The following IGF2BP2 variants were observed in gnomAD, a reference collection of about 807,000 sequenced individuals.
IGF2BP2 encodes insulin like growth factor 2 mRNA binding protein 2, also known as insulin-like growth factor 2 mRNA-binding protein 2.
A neutral mutation model predicts 75.8 loss-of-function variants in IGF2BP2; 17 were observed. The observed-to-expected ratio is 0.22, with a 90% CI of 0.15 to 0.34. The LOEUF (loss-of-function observed/expected upper bound fraction) is 0.34. Among genes scored for constraint, IGF2BP2 ranks in the 10% least tolerant of loss-of-function variants. The pLI is 1.00. For synonymous variants in IGF2BP2, 288 were observed against 295.6 expected, an observed-to-expected ratio of 0.97 and a Z score of 0.26; for missense variants, 516 against 772.4, an observed-to-expected ratio of 0.67 and a Z score of 3.93.
chr3:185,809,494 G>A (rs577669778), intron 2 of IGF2BP2, among the ~76,000 whole-genome samples: 5 of 152,314 alleles, frequency 3.3e-5, no homozygotes, highest in East Asian at 1.9e-4. Context: ...GCTGGGTACA[G>A]TGGCTCATGC....
At chr3:185,743,433 G>C (rs1026386445) in intron 2 of IGF2BP2, among the ~76,000 whole-genome samples, 1 of 151,984 alleles carries the variant, frequency 6.6e-6, no homozygotes, top group African/African-American at 2.4e-5. Context: ...GTGTCACCAC[G>C]CCTGGCTAAT....
intron 14 of IGF2BP2, among the ~76,000 whole-genome samples, chr3:185,648,507 A>G (rs1264301105): frequency 6.6e-6 from 1 of 151,072 alleles, no homozygotes; most frequent in Non-Finnish European, 1.5e-5. Flanking sequence ...CAAATAACAC[A>G]CATATACATA....
At chr3:185,781,336 G>C (rs560567828) in intron 2 of IGF2BP2, among the ~76,000 whole-genome samples, 33 of 152,296 alleles carry the variant, frequency 2.2e-4, no homozygotes, top group African/African-American at 7.2e-4. Flanking sequence ...AATGTCAACA[G>C]TGTTTGAGGA....
At chr3:185,685,717 T>C (rs530340837) in intron 7 of IGF2BP2, among the ~76,000 whole-genome samples, 1 of 152,192 alleles carries the variant, frequency 6.6e-6, no homozygotes, top group Admixed American at 6.5e-5. Context: ...GATGCAATCA[T>C]AGCTCATTGC....
At chr3:185,785,479 A>T (rs1242778135) in intron 2 of IGF2BP2, among the ~76,000 whole-genome samples, 1 of 151,998 alleles carries the variant, frequency 6.6e-6, no homozygotes, top group Non-Finnish European at 1.5e-5. Flanking sequence ...TATATCAGGG[A>T]GACTTAAGCA....
chr3:185,789,209 G>A (rs1736295056), intron 2 of IGF2BP2, among the ~76,000 whole-genome samples: 1 of 152,170 alleles, frequency 6.6e-6, no homozygotes, highest in Admixed American at 6.5e-5. Context: ...TGTTTGAGCT[G>A]AGTTCCATAT....
intron 2 of IGF2BP2, among the ~76,000 whole-genome samples, chr3:185,759,072 A>C (rs1189015722): frequency 6.6e-6 from 1 of 152,238 alleles, no homozygotes; most frequent in African/African-American, 2.4e-5. Context: ...GTAGACACAC[A>C]AATGTTTGCT....
rs1351449176 is a variant in IGF2BP2 at position 185,645,880 on chromosome 3, G to A, written c.1708-257C>T. Among the ~76,000 whole-genome samples, 1 of 152,160 alleles carries A rather than the reference G, an allele frequency of 6.6e-6. No homozygotes were observed. Among genetic ancestry groups the A allele is most frequent in the East Asian group, 1.9e-4 (1 of 5,186 alleles). The stretch of plus-strand genomic sequence containing the variant: ...GGCAGCTTCCAGTTCACTGCTGGAC[G>A]GACAGGCCAGGAAGCAGAAGCAGGG... On this transcript the variant is annotated intron_variant, in intron 15 of 15. Transcript: ENST00000382199. This position sits in a 1 kb window ranked among gnomAD's most constrained non-coding sequence, Gnocchi z 4.9.
rs7650404 is a variant in IGF2BP2 at position 185,707,017 on chromosome 3, C to T, written c.240-8670G>A. Among the ~76,000 whole-genome samples, 486 of 152,164 alleles carry T rather than the reference C, an allele frequency of 3.2e-3. 7 individuals carry two copies. Among genetic ancestry groups the T allele is most frequent in the African/African-American group, 0.011 (471 of 41,512 alleles). On this transcript the variant is annotated intron_variant, in intron 2 of 15. Coordinates refer to ENST00000382199, the MANE Select transcript of IGF2BP2 (RefSeq NM_006548.6). Reference sequence around the variant, plus strand: ...TCAGTCTCCCAAGGTGCTGGGATTACAGGCATAAGCCACTGTGCCCAGAGA... The same window carrying T: ...TCAGTCTCCCAAGGTGCTGGGATTATAGGCATAAGCCACTGTGCCCAGAGA...
intron 7 of IGF2BP2, among the ~76,000 whole-genome samples, chr3:185,680,395 A>G (rs933967161): frequency 1.3e-5 from 2 of 152,224 alleles, no homozygotes; most frequent in African/African-American, 4.8e-5. Context: ...ATTATCGCCA[A>G]TCCTCCTGAA....
intron 2 of IGF2BP2, among the ~76,000 whole-genome samples, chr3:185,780,848 A>G (rs373130518): frequency 4.6e-5 from 7 of 152,220 alleles, no homozygotes; most frequent in African/African-American, 1.7e-4. Flanking sequence ...AGGTTGCATG[A>G]TATGTCTACG....
At chr3:185,793,190 A>G (rs746489454) in intron 2 of IGF2BP2, among the ~76,000 whole-genome samples, 2 of 152,206 alleles carry the variant, frequency 1.3e-5, no homozygotes, top group African/African-American at 2.4e-5. Flanking sequence ...TGCAGGGGAA[A>G]AAAGGTGTGG....
intron 2 of IGF2BP2, among the ~76,000 whole-genome samples, chr3:185,709,753 G>A (rs1430112092): frequency 2.0e-5 from 3 of 152,114 alleles, no homozygotes; most frequent in Non-Finnish European, 1.5e-5. Flanking sequence ...CCCTCAAAGA[G>A]GAACTCCTCC....
In IGF2BP2 at chr3:185,738,185, C is replaced by T. The variant is rs1215764403; in HGVS notation, c.240-39838G>A. 2.0e-5 allele frequency among the ~76,000 whole-genome samples: 3 copies of T among 152,194 alleles called. No homozygotes were observed. The East Asian group carries it at 5.8e-4, about 29-fold the overall frequency. Reference sequence around the variant, plus strand: ...CCTCACTTGCTATCTATTTTGATGTCGCCTTGTGGTAAGTATTCAACAGAA... The same window carrying T: ...CCTCACTTGCTATCTATTTTGATGTTGCCTTGTGGTAAGTATTCAACAGAA... On this transcript the variant is annotated intron_variant, in intron 2 of 15. Coordinates refer to ENST00000382199, the MANE Select transcript of IGF2BP2 (RefSeq NM_006548.6).
Position 185,665,497 on chromosome 3 carries a change from G to GAGA in IGF2BP2, c.1200+7043_1200+7044insTCT, listed in dbSNP as rs1560251945. On this transcript the variant is annotated intron_variant, in intron 10 of 15. Transcript: ENST00000382199. ...GAAGGAGAAGAAGGAGGAGAAGGAGGAGGAGAAGGAGGAGGAGGAGAAGGA... is the reference window on the plus strand; with the variant it reads ...GAAGGAGAAGAAGGAGGAGAAGGAGGAGAAGGAGAAGGAGGAGGAGGAGAAGGA... Among the ~76,000 whole-genome samples the GAGA allele has an allele frequency of 3.5e-4, 13 of 36,648 alleles. 1 individual carries two copies. The highest frequency in any genetic ancestry group is 1.4e-4 in the African/African-American group (1 of 7,352). 24.0% of individuals were successfully genotyped at this position (36,648 alleles called of 152,430 possible).
rs149033082 is a variant in IGF2BP2, at chr3:185,657,301, G to A, written c.1371C>T (p.Ala457=). The stretch of plus-strand genomic sequence containing the variant: ...GCAGCCTCACCTTGATAGAGGCTCC[G>A]GCGAATCTCGCCAGCTGTTTGATGT... ...GAHIKQLARF[A]GASIKIAPAE... Residue 457 remains alanine, a synonymous_variant, in exon 12 of 16, where the codon GCC becomes GCT. Coordinates refer to ENST00000382199, the MANE Select transcript of IGF2BP2 (RefSeq NM_006548.6). The A allele has an allele frequency of 1.0e-4, 166 of 1,613,328 alleles. 1 individual carries two copies. The Middle Eastern group carries it at 1.2e-3, about 12-fold the overall frequency.
At chr3:185,791,945 T>G (rs1028322737) in intron 2 of IGF2BP2, among the ~76,000 whole-genome samples, 2 of 152,138 alleles carry the variant, frequency 1.3e-5, no homozygotes, top group African/African-American at 4.8e-5. Flanking sequence ...CAATGGGGGA[T>G]CTTCTAGGAC....
At chr3:185,756,837 T>C (rs1731685764) in intron 2 of IGF2BP2, among the ~76,000 whole-genome samples, 1 of 152,072 alleles carries the variant, frequency 6.6e-6, no homozygotes, top group South Asian at 2.1e-4. Context: ...TAGCCAGGCA[T>C]GGTGGTGAGC....
At chr3:185,658,479 A>T (rs1205742005) in intron 10 of IGF2BP2, 70 bp from the exon 11 acceptor site, 1 of 1,284,922 alleles carries the variant, frequency 7.8e-7, no homozygotes, top group African/African-American at 1.5e-5. Context: ...GGGAGGCCAG[A>T]TTCCCAACAT....
Sources: allele counts gnomAD v4.1 joint callset (sites outside exome capture counted in the v4.1 genomes callset), GRCh38; gene constraint gnomAD v4.1.1; non-coding constraint Gnocchi (gnomAD v3.1); transcripts MANE v1.5; gene names NCBI Gene and HGNC (gene_info 2026-07-23, HGNC 2026-07-21).